ANOS1: variants seen among roughly 807,000 people sequenced by gnomAD.
ANOS1 encodes anosmin-1.
Under a neutral mutation model 59.0 loss-of-function variants are expected in ANOS1, and 6 were observed. The ratio of observed to expected loss-of-function variants is 0.10; its 90% confidence interval spans 0.06 to 0.20. ANOS1 has a LOEUF of 0.20. Ranked by LOEUF, ANOS1 falls within the 10% of genes least tolerant of loss-of-function variation. The pLI is 1.00. For missense variants in ANOS1, 433 were observed against 542.3 expected (o/e 0.80, Z 2.00); for synonymous variants, 217 against 223.4 (o/e 0.97, Z 0.25).
intron 1 of ANOS1, among the ~76,000 whole-genome samples, chrX:8,725,731 T>C (rs1173144704): frequency 3.9e-5 from 2 of 50,784 alleles, no homozygotes; most frequent in Non-Finnish European, 6.7e-5. Context: ...TATACAGATA[T>C]ATATATACAG....
rs189291723 is a variant in ANOS1, at chrX:8,725,005, T to G, written c.207+6825A>C. On this transcript the variant is annotated intron_variant, in intron 1 of 13. Coordinates refer to ENST00000262648, the MANE Select transcript of ANOS1 (RefSeq NM_000216.4). ...GGCCAGGGTAAGTTAAATGGAAAAG[T>G]TGAAAGGTAGCTGACTTCAGAACCC... Among the ~76,000 whole-genome samples, 11 of 111,731 alleles carry G rather than the reference T, an allele frequency of 9.8e-5. No individual in the cohort carries two copies. In the East Asian group the frequency reaches 2.0e-3, roughly 20 times the overall value.
chrX:8,634,214 T>G (rs1171011452), intron 2 of ANOS1, among the ~76,000 whole-genome samples: 2 of 111,141 alleles, frequency 1.8e-5, no homozygotes, highest in African/African-American at 6.5e-5. Context: ...GATGCCTGCA[T>G]CTTCTTTTCA....
At chrX:8,566,339 ATGTGTGTG>A in intron 8 of ANOS1, 1 of 528,025 alleles carries the variant, frequency 1.9e-6, no homozygotes, top group Non-Finnish European at 2.3e-6. Context: ...GTGTGTATAT[ATGTGTGTG>A]TGTGTGTGTG....
intron 6 of ANOS1, among the ~76,000 whole-genome samples, chrX:8,579,572 G>A (rs1208936713): frequency 1.8e-5 from 2 of 111,825 alleles, no homozygotes; most frequent in Non-Finnish European, 3.8e-5. Flanking sequence ...CTGATGTTGA[G>A]TTAAACAAGA....
chrX:8,718,213 T>G (rs12387345), intron 1 of ANOS1, among the ~76,000 whole-genome samples: 2 of 111,552 alleles, frequency 1.8e-5, no homozygotes, highest in Non-Finnish European at 1.9e-5. Context: ...TTTTCTGTTT[T>G]GAGGACACAG....
chrX:8,551,328 A>G (rs1601950394), intron 9 of ANOS1, among the ~76,000 whole-genome samples: 2 of 111,747 alleles, frequency 1.8e-5, no homozygotes, highest in Non-Finnish European at 3.8e-5. Flanking sequence ...CAAAATGATG[A>G]ATTGCTTATC....
intron 2 of ANOS1, among the ~76,000 whole-genome samples, chrX:8,637,293 C>A (rs1156542302): frequency 8.9e-6 from 1 of 111,873 alleles, no homozygotes; most frequent in Non-Finnish European, 1.9e-5. Context: ...CCCTTGTTAT[C>A]CCCTTGACTG....
At chrX:8,537,478 G>A (rs1421828238) in intron 10 of ANOS1, among the ~76,000 whole-genome samples, 1 of 111,936 alleles carries the variant, frequency 8.9e-6, no homozygotes, top group African/African-American at 3.2e-5. Flanking sequence ...CACGGGCTAA[G>A]AATATAACTT....
intron 2 of ANOS1, among the ~76,000 whole-genome samples, chrX:8,688,354 C>T (rs1932555032): frequency 8.9e-6 from 1 of 112,279 alleles, no homozygotes. Context: ...CGGTGCTCAT[C>T]CCTGCTCTGC....
At chrX:8,540,150 C>T (rs983142380) in intron 9 of ANOS1, among the ~76,000 whole-genome samples, 1 of 111,289 alleles carries the variant, frequency 9.0e-6, no homozygotes, top group African/African-American at 3.3e-5. Flanking sequence ...CAACAGCTCT[C>T]GTAATTCCTG....
chrX:8,678,995 C>A (rs779887860), intron 2 of ANOS1, among the ~76,000 whole-genome samples: 3 of 111,607 alleles, frequency 2.7e-5, no homozygotes, highest in African/African-American at 9.8e-5. Flanking sequence ...AACTCCACGG[C>A]TCATATAATC....
chrX:8,607,182 A>G (rs1472464270), intron 3 of ANOS1, among the ~76,000 whole-genome samples: 1 of 112,651 alleles, frequency 8.9e-6, no homozygotes, highest in African/African-American at 3.2e-5. Context: ...TGTCTTTCAA[A>G]GAAGACATCT....
intron 3 of ANOS1, among the ~76,000 whole-genome samples, chrX:8,607,227 C>T (rs1180517447): frequency 8.0e-5 from 9 of 112,130 alleles, no homozygotes; most frequent in Non-Finnish European, 5.6e-5. Flanking sequence ...AATAACTCTC[C>T]GTTCAAATGT....
rs996791699 is a variant in ANOS1 at position 8,654,216 on chromosome X, G to A, written c.256-30546C>T. Among the ~76,000 whole-genome samples the A allele has an allele frequency of 3.2e-4, 36 of 111,924 alleles. No homozygotes were observed. The Admixed American group carries it at 3.2e-3, about 10-fold the overall frequency. On this transcript the variant is annotated intron_variant, in intron 2 of 13. Coordinates refer to ENST00000262648, the MANE Select transcript of ANOS1 (RefSeq NM_000216.4). ...TCTCCCATAGGTCTGTATCAGGAGG[G>A]CAGATGATTCTGGCACAATACTTCA... is the stretch of plus-strand genomic sequence containing the variant.
chrX:8,710,530 C>T (rs1336178805), intron 1 of ANOS1, among the ~76,000 whole-genome samples: 2 of 111,836 alleles, frequency 1.8e-5, no homozygotes, highest in African/African-American at 6.5e-5. Context: ...CATATCATTA[C>T]AACTCAGAGA....
intron 6 of ANOS1, 86 bp downstream of exon 6, chrX:8,585,181 T>C: frequency 1.9e-6 from 2 of 1,025,875 alleles, no homozygotes; most frequent in Non-Finnish European, 2.7e-6. Context: ...ACTATAAATA[T>C]GAACATAGAG....
intron 2 of ANOS1, among the ~76,000 whole-genome samples, chrX:8,630,021 CAG>C (rs1271461080): frequency 8.9e-6 from 1 of 112,091 alleles, no homozygotes; most frequent in Non-Finnish European, 1.9e-5. Flanking sequence ...GTCACCAAGA[CAG>C]GGGGAAATGT....
At chrX:8,633,431 A>G (rs1235174718) in intron 2 of ANOS1, among the ~76,000 whole-genome samples, 1 of 111,862 alleles carries the variant, frequency 8.9e-6, no homozygotes, top group Non-Finnish European at 1.9e-5. Flanking sequence ...CTTGAAGTAG[A>G]CAAAGTCATG....
At chrX:8,711,748 C>T (rs1412314520) in intron 1 of ANOS1, among the ~76,000 whole-genome samples, 1 of 112,593 alleles carries the variant, frequency 8.9e-6, no homozygotes, top group Admixed American at 9.4e-5. Flanking sequence ...ATTCTAAAAT[C>T]CCTCAGTAAG....
Sources: allele counts gnomAD v4.1 joint callset (sites outside exome capture counted in the v4.1 genomes callset), GRCh38; gene constraint gnomAD v4.1.1; transcripts MANE v1.5; gene names NCBI Gene and HGNC (gene_info 2026-07-23, HGNC 2026-07-21).